The following OR51B5 variants were observed in gnomAD, a reference collection of about 807,000 sequenced individuals.
OR51B5 encodes olfactory receptor family 51 subfamily B member 5.
For missense variants in OR51B5, 456 were observed against 374.6 expected, an observed-to-expected ratio of 1.22 and a Z score of -1.79; for synonymous variants, 186 against 144.8, an observed-to-expected ratio of 1.28 and a Z score of -2.04.
intron 1 of OR51B5, among the ~76,000 whole-genome samples, chr11:5,382,642 A>T (rs1427137181): frequency 6.6e-6 from 1 of 152,156 alleles, no homozygotes; most frequent in Non-Finnish European, 1.5e-5. Flanking sequence ...TACAAGCCTA[A>T]ATGAAGATGC....
chr11:5,459,908 C>T (rs1851021669), intron 1 of OR51B5, among the ~76,000 whole-genome samples: 1 of 152,126 alleles, frequency 6.6e-6, no homozygotes, highest in South Asian at 2.1e-4. Flanking sequence ...ATAAATTGTT[C>T]TACCATAAAA....
intron 1 of OR51B5, among the ~76,000 whole-genome samples, chr11:5,435,561 T>A (rs952165682): frequency 1.3e-5 from 2 of 152,214 alleles, no homozygotes; most frequent in Non-Finnish European, 2.9e-5. Flanking sequence ...ACCTAACAGA[T>A]GCTTAATAAA....
chr11:5,360,467 C>T lies in OR51B5; in HGVS notation n.85-13557G>A, dbSNP rs553898248. Among the ~76,000 whole-genome samples the T allele has an allele frequency of 1.5e-3, 220 of 150,678 alleles. 6 individuals are homozygous for T. In the East Asian group the frequency reaches 0.033, roughly 23 times the overall value. On this transcript the variant is annotated intron_variant and non_coding_transcript_variant, in intron 1 of 4. Transcript: ENST00000415970. ...TACCATCTCACACCAGTTAGAATGG[C>T]GATCATTAAAAAGTCAGGAAACAAC...
intron 1 of OR51B5, among the ~76,000 whole-genome samples, chr11:5,399,595 A>G (rs752411651): frequency 6.6e-6 from 1 of 152,090 alleles, no homozygotes; most frequent in Non-Finnish European, 1.5e-5. Flanking sequence ...GTTGTGTCCT[A>G]TTATACTGGG....
rs147138790 is a variant in OR51B5 at position 5,454,528 on chromosome 11, G to C, written n.84+51041C>G. On this transcript the variant is annotated intron_variant and non_coding_transcript_variant, in intron 1 of 4. Coordinates refer to the OR51B5 transcript ENST00000415970. ...AGTATAAGATAGATTGTGTGCTGCG[G>C]GAAAAGTAGGCCAGGAGATGGTGAT... 214 of 1,004,044 alleles carry C rather than the reference G, an allele frequency of 2.1e-4. No individual in the cohort carries two copies. In the African/African-American group the frequency reaches 2.9e-3, roughly 13 times the overall value. The allele number at this position is 1,004,044 out of a possible 1,614,324, so 62.2% of individuals were successfully genotyped here. A position where few individuals can be genotyped will look rare whatever the true frequency, so the allele number is the denominator to read the frequency against.
intron 1 of OR51B5, among the ~76,000 whole-genome samples, chr11:5,416,241 A>T (rs915728227): frequency 4.4e-4 from 61 of 138,262 alleles, no homozygotes; most frequent in African/African-American, 1.5e-3. Flanking sequence ...TCATGCTAAA[A>T]ACTCTCAATA....
chr11:5,349,805 C>A (rs1460110544), intron 1 of OR51B5, among the ~76,000 whole-genome samples: 1 of 152,118 alleles, frequency 6.6e-6, no homozygotes, highest in African/African-American at 2.4e-5. Context: ...CTACTTCCCT[C>A]AGTCCCAATG....
chr11:5,345,160 G>A (rs559251200), upstream of OR51B5, among the ~76,000 whole-genome samples: 10 of 152,278 alleles, frequency 6.6e-5, no homozygotes, highest in Non-Finnish European at 2.9e-5. Flanking sequence ...TACTATAAAT[G>A]TAGTAAAGAC....
chr11:5,386,226 G>GA (rs925366821), intron 1 of OR51B5, among the ~76,000 whole-genome samples: 3 of 151,976 alleles, frequency 2.0e-5, no homozygotes, highest in South Asian at 2.1e-4. Flanking sequence ...GGGAATTGAA[G>GA]AAAAAAATGA....
chr11:5,479,883 A>T (rs1851387329), intron 1 of OR51B5, among the ~76,000 whole-genome samples: 1 of 140,662 alleles, frequency 7.1e-6, no homozygotes, highest in African/African-American at 2.7e-5. Context: ...TGACCTACAA[A>T]GAGACTTAGA....
At chr11:5,413,119 G>C (rs543048476) in intron 1 of OR51B5, among the ~76,000 whole-genome samples, 16 of 152,244 alleles carry the variant, frequency 1.1e-4, no homozygotes, top group Admixed American at 9.8e-4. Context: ...AGCAGCATTC[G>C]CGGTTCACGA....
intron 1 of OR51B5, among the ~76,000 whole-genome samples, chr11:5,435,353 G>A (rs922210330): frequency 3.9e-5 from 6 of 152,250 alleles, no homozygotes; most frequent in African/African-American, 1.4e-4. Context: ...TCTTCATCAA[G>A]TATTAACTGA....
At chr11:5,353,051 C>G (rs1008480750) in intron 1 of OR51B5, among the ~76,000 whole-genome samples, 2 of 151,778 alleles carry the variant, frequency 1.3e-5, no homozygotes, top group African/African-American at 4.8e-5. Flanking sequence ...AGACATACAT[C>G]CAGTTCTCTT....
At chr11:5,427,336 T>G (rs1041937409) in intron 1 of OR51B5, among the ~76,000 whole-genome samples, 1 of 151,728 alleles carries the variant, frequency 6.6e-6, no homozygotes, top group Non-Finnish European at 1.5e-5. Context: ...CCCCTACACA[T>G]GTGTGCTGAA....
chr11:5,477,149 G>C (rs1851320832), intron 1 of OR51B5, among the ~76,000 whole-genome samples: 1 of 152,194 alleles, frequency 6.6e-6, no homozygotes, highest in Non-Finnish European at 1.5e-5. Flanking sequence ...TGGTTTCATG[G>C]CTGTATACTT....
chr11:5,424,307 G>C (rs748843843), intron 1 of OR51B5, among the ~76,000 whole-genome samples: 1 of 152,086 alleles, frequency 6.6e-6, no homozygotes, highest in Non-Finnish European at 1.5e-5. Context: ...TGAGGAAAAT[G>C]AAAGTTATTC....
At position 5,389,671 on chromosome 11, in the gene OR51B5, C is replaced by A. The variant is rs769386890; in HGVS notation, n.85-42761G>T. On this transcript the variant is annotated intron_variant and non_coding_transcript_variant, in intron 1 of 4. Transcript: ENST00000415970. The stretch of plus-strand genomic sequence containing the variant: ...TGGGGCTGTGTGTGTCCACGTTGCC[C>A]ACCACTATGGGGATCTTCTGGTTTA... 1.9e-6 allele frequency: 3 copies of A among 1,613,476 alleles called. No individual in the cohort carries two copies. In the African/African-American group the frequency reaches 4.0e-5, roughly 22 times the overall value.
At chr11:5,352,239 C>T in intron 1 of OR51B5, 2 of 1,614,190 alleles carry the variant, frequency 1.2e-6, no homozygotes, top group South Asian at 1.1e-5. Context: ...CTCATATCTG[C>T]TGCATCCTGG....
At chr11:5,366,710 G>C (rs1315112039) in intron 1 of OR51B5, among the ~76,000 whole-genome samples, 1 of 151,442 alleles carries the variant, frequency 6.6e-6, no homozygotes, top group Admixed American at 6.6e-5. Flanking sequence ...AAAAGTAGAG[G>C]AGGAGGAAAG....
Sources: allele counts gnomAD v4.1 joint callset (sites outside exome capture counted in the v4.1 genomes callset), GRCh38; gene constraint gnomAD v4.1.1; transcripts MANE v1.5; gene names NCBI Gene and HGNC (gene_info 2026-07-23, HGNC 2026-07-21).